The following WDR46 variants were observed in gnomAD, a reference collection of about 807,000 sequenced individuals.
WDR46 encodes the protein WD repeat-containing protein 46.
WDR46 carries 58 observed loss-of-function variants against 74.7 expected under a neutral mutation model. The ratio of observed to expected loss-of-function variants is 0.78; its 90% CI spans 0.63 to 0.97. WDR46 has a LOEUF of 0.97. Among genes scored for constraint, WDR46 ranks in the 50% least tolerant of loss-of-function variants. The pLI is 0.00. For synonymous variants in WDR46, 278 were observed against 297.3 expected, an observed-to-expected ratio of 0.93 and a Z score of 0.67; for missense variants, 702 against 790.1, an observed-to-expected ratio of 0.89 and a Z score of 1.34.
intron 10 of WDR46, among the ~76,000 whole-genome samples, chr6:33,281,597 A>C (rs2150897400): frequency 6.6e-6 from 1 of 152,320 alleles, no homozygotes; most frequent in African/African-American, 2.4e-5. Context: ...AGGTTTCTTT[A>C]AAGTCAGACT....
Position 33,287,596 on chromosome 6 carries a change from G to A in WDR46, c.728+18C>T. On this transcript the variant is annotated intron_variant, in intron 7 of 14. Coordinates refer to ENST00000374617, the MANE Select transcript of WDR46 (RefSeq NM_005452.6). Reference sequence around the variant, plus strand: ...GACTATCTCACCCCAACTGACCGCTGACAGTGAGGCCACTGACCGGATGTC... The same window carrying A: ...GACTATCTCACCCCAACTGACCGCTAACAGTGAGGCCACTGACCGGATGTC... 1.2e-6 allele frequency: 2 copies of A among 1,613,798 alleles called. No homozygotes were observed. Among genetic ancestry groups the A allele is most frequent in the East Asian group, 2.2e-5 (1 of 44,850 alleles).
intron 10 of WDR46, among the ~76,000 whole-genome samples, chr6:33,281,380 G>A (rs1249494070): frequency 5.9e-5 from 9 of 151,950 alleles, no homozygotes. Flanking sequence ...GCCCAGCAAG[G>A]GGAAGGAGCA....
intron 10 of WDR46, among the ~76,000 whole-genome samples, chr6:33,282,323 C>A (rs1299133377): frequency 6.6e-6 from 1 of 151,530 alleles, no homozygotes; most frequent in African/African-American, 2.4e-5. Context: ...ATAATCAGCG[C>A]CCTGACTTTA....
chr6:33,287,003 AAG>A (rs1172082822), intron 9 of WDR46, 86 bp downstream of exon 9: 1 of 1,584,946 alleles, frequency 6.3e-7, no homozygotes, highest in Non-Finnish European at 8.6e-7. Context: ...AGGGAAATAA[AAG>A]GGTAACTTTA....
In WDR46 at chr6:33,279,357, G is replaced by A. The variant is rs200961844; in HGVS notation, c.1752C>T (p.Ser584=). Residue 584 remains serine, a synonymous_variant, in exon 15 of 15, where the codon AGC becomes AGT. Coordinates refer to ENST00000374617, the MANE Select transcript of WDR46 (RefSeq NM_005452.6). ...CCTCCTTATGATGCTGCTGCTGAAGGCTCTGCCGGACCTTGTCCTGGGGAC... is the reference window on the plus strand; with the variant it reads ...CCTCCTTATGATGCTGCTGCTGAAGACTCTGCCGGACCTTGTCCTGGGGAC... The part of the protein sequence containing the change: ...DEEHRDKVRQ[S]LQQQHHKEAK... 1.2e-5 allele frequency: 19 copies of A among 1,613,962 alleles called. No homozygotes were observed. Among genetic ancestry groups the A allele is most frequent in the Non-Finnish European group, 1.5e-5 (18 of 1,180,052 alleles).
Position 33,279,179 on chromosome 6 carries a change from G to A in WDR46, c.*97C>T. ...AGCTGTCCACCCCCAGTTGGGGAAG[G>A]GGCCACACTGCCCCCACCTCCTTGT... On this transcript the variant is annotated 3_prime_UTR_variant, in exon 15 of 15. Coordinates refer to ENST00000374617, the MANE Select transcript of WDR46 (RefSeq NM_005452.6). 2 of 1,542,604 alleles carry A rather than the reference G, an allele frequency of 1.3e-6. No homozygotes were observed. The highest frequency in any genetic ancestry group is 2.4e-5 in the South Asian group (2 of 84,360).
Position 33,288,179 on chromosome 6 carries a change from A to G in WDR46, c.530T>C (p.Val177Ala). 6.2e-7 allele frequency: 1 copy of G among 1,614,164 alleles called. No homozygotes were observed. Among genetic ancestry groups the G allele is most frequent in the Non-Finnish European group, 8.5e-7 (1 of 1,180,020 alleles). Residue 177 changes from valine to alanine, a missense_variant, in exon 5 of 15, where the codon GTG becomes GCG. Transcript: ENST00000374617. Reference sequence around the variant, plus strand: ...TGCACTTGCAATGTCCACAGCCTCCACAATGTCAGCCTGGCATATCTTTGC... The same window carrying G: ...TGCACTTGCAATGTCCACAGCCTCCGCAATGTCAGCCTGGCATATCTTTGC... ...DTAKICQADI[V>A]EAVDIASAAK...
At chr6:33,279,943 C>T in intron 12 of WDR46, 84 bp from the exon 13 acceptor site, 2 of 1,348,584 alleles carry the variant, frequency 1.5e-6, no homozygotes, top group South Asian at 2.6e-5. Context: ...GGCTGCTGAA[C>T]CCCTCTACCC....
Position 33,289,102 on chromosome 6 carries a change from C to T in WDR46, c.69G>A (p.Lys23=), listed in dbSNP as rs1767022892. 1.9e-6 allele frequency: 3 copies of T among 1,613,270 alleles called. No individual in the cohort carries two copies. The highest frequency in any genetic ancestry group is 1.7e-6 in the Non-Finnish European group (2 of 1,179,512). ...GTTTCCCACCCAGGGAGGCCTCTACCTTTCTCTTGGTCTGAAGTTTGTCTT... is the reference window on the plus strand; with the variant it reads ...GTTTCCCACCCAGGGAGGCCTCTACTTTTCTCTTGGTCTGAAGTTTGTCTT... ...PKKDKLQTKR[K]KPRRYWEEET... Residue 23 remains lysine (K), a splice_region_variant and synonymous_variant, in exon 1 of 15, where the codon AAG becomes AAA. Transcript: ENST00000374617.
Position 33,280,753 on chromosome 6 carries a change from C to CACA in WDR46, c.1347_1349dup (p.Val450dup), listed in dbSNP as rs751303187. 15 of 1,613,312 alleles carry CACA rather than the reference C, an allele frequency of 9.3e-6. No homozygotes were observed. The highest frequency in any genetic ancestry group is 1.7e-5 in the Admixed American group (1 of 59,970). On this transcript the variant is annotated inframe_insertion, in exon 11 of 15. Transcript: ENST00000374617. ...CAAAGGGGCAGAACTGAAGGCCATGCACAGGGCCTGAGAGCCGGTGGGTGA... is the reference window on the plus strand; with the variant it reads ...CAAAGGGGCAGAACTGAAGGCCATGCACAACAGGGCCTGAGAGCCGGTGGGTGA...
intron 10 of WDR46, among the ~76,000 whole-genome samples, chr6:33,286,524 C>T (rs1053275034): frequency 3.3e-5 from 5 of 152,128 alleles, no homozygotes; most frequent in African/African-American, 7.2e-5. Context: ...TACCTCTTAT[C>T]AGCAAATCAT....
Position 33,287,976 on chromosome 6 carries a change from A to C in WDR46, c.612T>G (p.Ser204=). The C allele has an allele frequency of 6.2e-7, 1 of 1,614,194 alleles. No individual in the cohort carries two copies. Among genetic ancestry groups the C allele is most frequent in the Admixed American group, 1.7e-5 (1 of 60,024 alleles). Residue 204 remains serine (S), a synonymous_variant, in exon 6 of 15, where the codon TCT becomes TCG. Coordinates refer to ENST00000374617, the MANE Select transcript of WDR46 (RefSeq NM_005452.6). ...GAATTCAACCTTACCTTCCAGTTCG[A>C]GAGTAGTTTAGTCTGTAGGGTCCAA... ...RQFGPYRLNY[S]RTGRHLAFGG...
intron 11 of WDR46, 27 bp downstream of exon 11, chr6:33,280,647 T>G (rs1766087876): frequency 6.3e-7 from 1 of 1,587,712 alleles, no homozygotes; most frequent in Non-Finnish European, 8.6e-7. Flanking sequence ...TTCATTCACT[T>G]CAAGCCCCAT....
intron 9 of WDR46, 44 bp from the exon 10 acceptor site, chr6:33,286,938 C>T (rs1172128351): frequency 6.2e-7 from 1 of 1,605,632 alleles, no homozygotes; most frequent in Non-Finnish European, 8.5e-7. Context: ...ACACCTAAGC[C>T]TGAGGTTACT....
intron 10 of WDR46, among the ~76,000 whole-genome samples, chr6:33,286,137 T>C (rs1317184592): frequency 1.5e-5 from 2 of 132,226 alleles, no homozygotes; most frequent in Non-Finnish European, 3.1e-5. Context: ...CAAGACTACG[T>C]CTCTCTCAAA....
At chr6:33,282,926 C>A (rs1397153237) in intron 10 of WDR46, among the ~76,000 whole-genome samples, 1 of 152,202 alleles carries the variant, frequency 6.6e-6, no homozygotes, top group Admixed American at 6.5e-5. Flanking sequence ...GATACAATTA[C>A]AAAGGCCAGA....
At chr6:33,288,278 A>G in intron 4 of WDR46, 43 bp from the exon 5 acceptor site, 1 of 1,613,984 alleles carries the variant, frequency 6.2e-7, no homozygotes. Flanking sequence ...TCCCAATATG[A>G]AGCAAGTATA....
intron 9 of WDR46, 91 bp downstream of exon 9, chr6:33,287,000 T>C: frequency 6.3e-7 from 1 of 1,584,414 alleles, no homozygotes. Context: ...AAAAGGGAAA[T>C]AAAAGGGTAA....
Position 33,286,880 on chromosome 6 carries a change from A to G in WDR46, c.1030T>C (p.Trp344Arg). ...LGHSNGTVSL[W>R]SPAMKEPLAK... ...AGTGGCTCCTTCATAGCTGGACTCC[A>G]TAAAGACACAGTACCTGGAAGAGAA... Residue 344 changes from tryptophan to arginine, a missense_variant, in exon 10 of 15, where the codon TGG becomes CGG. Physicochemically the swap from Trp to Arg is moderately radical, Grantham distance 101. Transcript: ENST00000374617. 2 of 1,614,202 alleles carry G rather than the reference A, an allele frequency of 1.2e-6. No homozygotes were observed. Among genetic ancestry groups the G allele is most frequent in the Non-Finnish European group, 1.7e-6 (2 of 1,180,044 alleles).
Sources: allele counts gnomAD v4.1 joint callset (sites outside exome capture counted in the v4.1 genomes callset), GRCh38; gene constraint gnomAD v4.1.1; transcripts MANE v1.5; gene names NCBI Gene and HGNC (gene_info 2026-07-23, HGNC 2026-07-21).